Variants in DRAM1 observed in about 807,000 individuals in gnomAD.
DRAM1 encodes DNA damage regulated autophagy modulator 1.
DRAM1 carries 25 observed loss-of-function variants against 28.5 expected under a neutral mutation model. That is an observed-to-expected ratio of 0.88 (90% CI 0.64 to 1.23). DRAM1 has a LOEUF of 1.23. DRAM1 is among the 50% of genes most tolerant of loss of function. The probability of loss-of-function intolerance (pLI) is 0.00; values close to 1 mark genes in which losing one functional copy is unlikely to be tolerated. For missense variants in DRAM1, 249 were observed against 299.2 expected (o/e 0.83, Z 1.24); for synonymous variants, 113 against 114.2 (o/e 0.99, Z 0.07).
At chr12:101,894,363 C>T (rs150280587) in intron 1 of DRAM1, among the ~76,000 whole-genome samples, 2,091 of 152,198 alleles carry the variant, frequency 0.014, 48 homozygotes, top group African/African-American at 0.048. Flanking sequence ...GTGATCCACC[C>T]GTCTCAGCCT....
intron 1 of DRAM1, among the ~76,000 whole-genome samples, chr12:101,893,928 T>A (rs1053644311): frequency 1.6e-5 from 2 of 123,918 alleles, no homozygotes; most frequent in Non-Finnish European, 3.5e-5. Context: ...TTTTTTAAAA[T>A]TAATTAATTA....
intron 5 of DRAM1, among the ~76,000 whole-genome samples, chr12:101,918,090 A>G (rs1302262338): frequency 6.6e-6 from 1 of 151,464 alleles, no homozygotes; most frequent in Non-Finnish European, 1.5e-5. Flanking sequence ...TTCTGTTCCT[A>G]ATATCAAAGG....
chr12:101,890,811 C>T (rs1356690305), intron 1 of DRAM1, among the ~76,000 whole-genome samples: 3 of 146,568 alleles, frequency 2.0e-5, no homozygotes, highest in African/African-American at 5.1e-5. Context: ...AGTGCAATGG[C>T]GTGATCTCAG....
intron 1 of DRAM1, among the ~76,000 whole-genome samples, chr12:101,880,018 C>G (rs1872636611): frequency 6.6e-6 from 1 of 151,430 alleles, no homozygotes; most frequent in Non-Finnish European, 1.5e-5. Flanking sequence ...TAAAGAGCTG[C>G]TCTACCTGCA....
chr12:101,915,488 A>G (rs1874202660), intron 5 of DRAM1, among the ~76,000 whole-genome samples: 1 of 152,058 alleles, frequency 6.6e-6, no homozygotes, highest in Non-Finnish European at 1.5e-5. Context: ...TAGTGGCTGT[A>G]AGAGGCAGGC....
rs1442190541 is a variant in DRAM1 at position 101,922,603 on chromosome 12, C to T, written c.*1343C>T. 10 of 152,170 alleles carry T rather than the reference C, an allele frequency of 6.6e-5. No homozygotes were observed. Among genetic ancestry groups the T allele is most frequent in the African/African-American group, 2.4e-4 (10 of 41,434 alleles). The allele number at this position is 152,170 out of a possible 1,614,324, so 9.4% of individuals were successfully genotyped here. ...CAGGTACCTCTGCAATGACAAGCTGCCTCCCCTCTATGTGTTTAGCATATG... is the reference window on the plus strand; with the variant it reads ...CAGGTACCTCTGCAATGACAAGCTGTCTCCCCTCTATGTGTTTAGCATATG... On this transcript the variant is annotated 3_prime_UTR_variant, in exon 7 of 7. Coordinates refer to ENST00000258534, the MANE Select transcript of DRAM1 (RefSeq NM_018370.3).
chr12:101,920,302 T>TATCCTTAATGTG, intron 6 of DRAM1, 101 bp downstream of exon 6: 3 of 349,030 alleles, frequency 8.6e-6, no homozygotes, highest in Non-Finnish European at 1.2e-5. Context: ...ACTTTCTTTT[T>TATCCTTAATGTG]TTTTTTTTTT....
intron 1 of DRAM1, among the ~76,000 whole-genome samples, chr12:101,884,800 G>C (rs977106735): frequency 6.6e-6 from 1 of 152,164 alleles, no homozygotes; most frequent in Non-Finnish European, 1.5e-5. Context: ...GTTTGGTCAG[G>C]TCTTTAACTT....
At chr12:101,890,153 A>T (rs1242991318) in intron 1 of DRAM1, 7 of 422,884 alleles carry the variant, frequency 1.7e-5, no homozygotes, top group Non-Finnish European at 2.8e-5. Flanking sequence ...ATCTTGGCTC[A>T]CTGTAACCTC....
rs74696685 is a variant in DRAM1 at position 101,907,754 on chromosome 12, C to A, written c.343-432C>A. 0.019 allele frequency among the ~76,000 whole-genome samples: 2,816 copies of A among 152,036 alleles called. 195 individuals are homozygous for A. The East Asian group carries it at 0.22, about 12-fold the overall frequency. ...AACTCTGTCTCAAAAACAACAACAA[C>A]AAAAAAAGAAAATTGTATATGATAT... On this transcript the variant is annotated intron_variant, in intron 3 of 6. Transcript: ENST00000258534.
intron 1 of DRAM1, among the ~76,000 whole-genome samples, chr12:101,895,437 A>G (rs4764672): frequency 0.51 from 77,486 of 150,852 alleles, 20,390 homozygotes; most frequent in East Asian, 0.63. Context: ...CTCGGCCCAC[A>G]GAAGTCCTGG....
intron 1 of DRAM1, among the ~76,000 whole-genome samples, chr12:101,884,750 A>C (rs1333593955): frequency 6.6e-6 from 1 of 152,232 alleles, no homozygotes; most frequent in Non-Finnish European, 1.5e-5. Flanking sequence ...AGCCACTTTA[A>C]AAGGAGGAAC....
intron 1 of DRAM1, among the ~76,000 whole-genome samples, chr12:101,893,925 AAATT>A (rs1873243666): frequency 6.7e-6 from 1 of 150,244 alleles, no homozygotes; most frequent in Admixed American, 6.6e-5. Context: ...TTTTTTTTTA[AAATT>A]AATTAATTAA....
In DRAM1 at chr12:101,908,284, A is replaced by G. The variant is rs774066101; in HGVS notation, c.441A>G (p.Ser147=). 11 of 1,614,032 alleles carry G rather than the reference A, an allele frequency of 6.8e-6. No individual in the cohort carries two copies. Among genetic ancestry groups the G allele is most frequent in the Non-Finnish European group, 9.3e-6 (11 of 1,180,006 alleles). The part of the protein sequence containing the change: ...TLLQSIISYK[S]CPQWNSLSTC... Reference sequence around the variant, plus strand: ...TACAGTCCATCATCTCTTACAAATCATGTCCCCAGTGGAACAGTCTCTCGA... The same window carrying G: ...TACAGTCCATCATCTCTTACAAATCGTGTCCCCAGTGGAACAGTCTCTCGA... Residue 147 remains serine (S), a synonymous_variant, in exon 4 of 7, where the codon TCA becomes TCG. Coordinates refer to ENST00000258534, the MANE Select transcript of DRAM1 (RefSeq NM_018370.3).
At chr12:101,892,642 A>G (rs1048146870) in intron 1 of DRAM1, among the ~76,000 whole-genome samples, 1 of 152,154 alleles carries the variant, frequency 6.6e-6, no homozygotes, top group Non-Finnish European at 1.5e-5. Context: ...TGCCTCTTGG[A>G]AAGTTTTCAT....
chr12:101,888,170 C>T (rs147547192), intron 1 of DRAM1, among the ~76,000 whole-genome samples: 2,066 of 152,108 alleles, frequency 0.014, 20 homozygotes, highest in Middle Eastern at 0.02. Flanking sequence ...TGCTCTGTTG[C>T]CCAGGCTGGT....
chr12:101,912,942 A>G (rs1323596035), intron 4 of DRAM1, among the ~76,000 whole-genome samples: 1 of 152,008 alleles, frequency 6.6e-6, no homozygotes, highest in African/African-American at 2.4e-5. Flanking sequence ...TGGTCAGACT[A>G]GTCTCGAACT....
In DRAM1 at chr12:101,888,212, C is replaced by G. The variant is rs959275794; in HGVS notation, c.132-9651C>G. ...TGGTGTGATCTCAGCTCACTGCAGC[C>G]TCCTCCTCCTGGGTTCAAGTGATTC... is the stretch of plus-strand genomic sequence containing the variant. On this transcript the variant is annotated intron_variant, in intron 1 of 6. Transcript: ENST00000258534. Among the ~76,000 whole-genome samples the G allele has an allele frequency of 5.9e-5, 9 of 152,138 alleles. No individual in the cohort carries two copies. The South Asian group carries it at 1.5e-3, about 25-fold the overall frequency.
At chr12:101,884,369 C>CA (rs777858309) in intron 1 of DRAM1, among the ~76,000 whole-genome samples, 2,135 of 77,962 alleles carry the variant, frequency 0.027, 98 homozygotes, top group African/African-American at 0.055. Context: ...TACCCTGTCT[C>CA]AAAAAAAAAA....
Sources: allele counts gnomAD v4.1 joint callset (sites outside exome capture counted in the v4.1 genomes callset), GRCh38; gene constraint gnomAD v4.1.1; transcripts MANE v1.5; gene names NCBI Gene and HGNC (gene_info 2026-07-23, HGNC 2026-07-21).